The following PHF24 variants were observed in gnomAD, a reference collection of about 807,000 sequenced individuals.
The protein encoded by PHF24 is PHD finger protein 24, also known as Galpha inhibitory interacting protein.
A neutral mutation model predicts 42.6 loss-of-function variants in PHF24; 25 were observed. That is an observed-to-expected ratio of 0.59 (90% CI 0.43 to 0.82). PHF24 has a LOEUF of 0.82. Ranked by LOEUF, PHF24 falls within the 40% of genes least tolerant of loss-of-function variation. The pLI, the probability that PHF24 is intolerant of heterozygous loss-of-function variation, is 0.00. For missense variants in PHF24, 470 were observed against 538.1 expected (o/e 0.87, Z 1.25); for synonymous variants, 185 against 204.8 (o/e 0.90, Z 0.83).
chr9:34,805,739 CT>C, the PHF24 span, among the ~76,000 whole-genome samples: 1 of 151,958 alleles, frequency 6.6e-6, no homozygotes, highest in East Asian at 1.9e-4. Flanking sequence ...CTATTTTTTT[CT>C]TTCGTTGCCT....
chr9:34,763,736 T>G, the PHF24 span, among the ~76,000 whole-genome samples: 1 of 152,062 alleles, frequency 6.6e-6, no homozygotes. Flanking sequence ...AACACTATGT[T>G]GAATAGGAGT....
chr9:34,857,063 A>C, the PHF24 span, among the ~76,000 whole-genome samples: 1 of 152,158 alleles, frequency 6.6e-6, no homozygotes, highest in African/African-American at 2.4e-5. Flanking sequence ...GTTGTGTTGC[A>C]TTGTGAGGAA....
chr9:34,668,847 CT>C, the PHF24 span, among the ~76,000 whole-genome samples: 4 of 151,808 alleles, frequency 2.6e-5, no homozygotes, highest in African/African-American at 9.7e-5. Flanking sequence ...AGTCATCCCT[CT>C]GCTCACCTGA....
At chr9:34,918,209 C>T in the PHF24 span, 12 of 1,475,208 alleles carry the variant, frequency 8.1e-6, no homozygotes, top group Admixed American at 5.0e-5. Context: ...CCTCTGCCAA[C>T]TGTGACCCCT....
the PHF24 span, among the ~76,000 whole-genome samples, chr9:34,685,145 C>T: frequency 2.6e-5 from 4 of 152,168 alleles, no homozygotes; most frequent in African/African-American, 7.2e-5. Flanking sequence ...AGACGCCTGG[C>T]CCCACTCCTT....
At chr9:34,826,795 G>A in the PHF24 span, among the ~76,000 whole-genome samples, 2 of 152,118 alleles carry the variant, frequency 1.3e-5, no homozygotes, top group Non-Finnish European at 2.9e-5. Context: ...TCCCAAGCAA[G>A]CACTGATGTA....
the PHF24 span, among the ~76,000 whole-genome samples, chr9:34,880,298 A>C: frequency 6.6e-6 from 1 of 152,222 alleles, no homozygotes; most frequent in Non-Finnish European, 1.5e-5. Flanking sequence ...TCAACTAACG[A>C]GCAAAATAAC....
chr9:34,835,584 T>C, the PHF24 span: 2 of 1,551,776 alleles, frequency 1.3e-6, no homozygotes, highest in Non-Finnish European at 1.7e-6. Context: ...CTGGGGTTGC[T>C]CTGCTCATCT....
the PHF24 span, among the ~76,000 whole-genome samples, chr9:34,855,731 A>C: frequency 7.2e-5 from 11 of 152,060 alleles, no homozygotes; most frequent in African/African-American, 1.9e-4. Context: ...TAAACCCTGG[A>C]GAATCTGATG....
rs1826472764 is a variant in PHF24 at position 34,958,520 on chromosome 9, C to T, written c.-5+119C>T. 1 of 152,374 alleles carries T rather than the reference C, an allele frequency of 6.6e-6. No homozygotes were observed. Among genetic ancestry groups the T allele is most frequent in the Non-Finnish European group, 1.5e-5 (1 of 68,214 alleles). The allele number at this position is 152,374 out of a possible 1,614,324, so 9.4% of individuals were successfully genotyped here. ...TGGGAGCCGCCTCCAAGGTGGCCCC[C>T]CTGTGTCATTGGATGAACCCCAAGT... On this transcript the variant is annotated intron_variant, in intron 1 of 7. Coordinates refer to ENST00000242315, the Ensembl canonical transcript of PHF24. The surrounding 1 kb of genome is among the most constrained non-coding windows in gnomAD (Gnocchi z 4.5).
At chr9:34,715,111 G>A in the PHF24 span, among the ~76,000 whole-genome samples, 4 of 152,008 alleles carry the variant, frequency 2.6e-5, no homozygotes, top group South Asian at 8.3e-4. Flanking sequence ...GAGCCCTAAG[G>A]GAAATGAAGG....
the PHF24 span, among the ~76,000 whole-genome samples, chr9:34,816,651 C>T: frequency 6.6e-6 from 1 of 152,168 alleles, no homozygotes; most frequent in Non-Finnish European, 1.5e-5. Context: ...GCACCAATCC[C>T]ATTCATGAGG....
the PHF24 span, among the ~76,000 whole-genome samples, chr9:34,795,410 G>T: frequency 6.6e-6 from 1 of 151,990 alleles, no homozygotes; most frequent in South Asian, 2.1e-4. Flanking sequence ...TATCTGAGAA[G>T]AATAAAAAGG....
the PHF24 span, among the ~76,000 whole-genome samples, chr9:34,950,245 G>A: frequency 6.6e-6 from 1 of 151,686 alleles, no homozygotes; most frequent in Non-Finnish European, 1.5e-5. Context: ...CTACTCGGGA[G>A]GCTGAGGCAG....
the PHF24 span, among the ~76,000 whole-genome samples, chr9:34,921,745 A>G: frequency 6.6e-6 from 1 of 152,208 alleles, no homozygotes; most frequent in Non-Finnish European, 1.5e-5. Flanking sequence ...TGTTTCTACC[A>G]CAGCCTTGTA....
chr9:34,863,034 C>G, the PHF24 span, among the ~76,000 whole-genome samples: 1,134 of 151,856 alleles, frequency 7.5e-3, 21 homozygotes, highest in African/African-American at 0.026. Flanking sequence ...GGTGAGGTTC[C>G]TCTGCTTGTA....
the PHF24 span, among the ~76,000 whole-genome samples, chr9:34,886,796 CTCTA>C: frequency 2.4e-4 from 33 of 135,422 alleles, no homozygotes; most frequent in East Asian, 1.3e-3. Flanking sequence ...TGTCTATCTA[CTCTA>C]TCTATGTATC....
At chr9:34,810,417 C>T in the PHF24 span, among the ~76,000 whole-genome samples, 1 of 152,174 alleles carries the variant, frequency 6.6e-6, no homozygotes, top group East Asian at 1.9e-4. Context: ...CATGGGGAGT[C>T]CCCCTGTGGA....
the PHF24 span, among the ~76,000 whole-genome samples, chr9:34,728,281 A>G: frequency 5.9e-5 from 9 of 152,304 alleles, no homozygotes; most frequent in Non-Finnish European, 1.2e-4. Context: ...TACAACCACA[A>G]TGTGATTGAG....
Sources: gnomAD v4.1 joint callset for allele counts (sites outside exome capture counted in the v4.1 genomes callset) on GRCh38, gnomAD v4.1.1 for gene constraint, Gnocchi (gnomAD v3.1) non-coding constraint, MANE v1.5 for transcripts, NCBI Gene and HGNC (gene_info 2026-07-23, HGNC 2026-07-21) for gene names.